GPC5: variants seen among roughly 807,000 people sequenced by gnomAD.
GPC5 encodes the protein glypican 5.
In GPC5, 47 loss-of-function variants were observed where a neutral mutation model predicts 53.9. That is an observed-to-expected ratio of 0.87 (90% CI 0.69 to 1.11). GPC5 has a LOEUF of 1.11. Among genes scored for constraint, GPC5 ranks in the 50% most tolerant of loss-of-function variants. The pLI, the probability that GPC5 is intolerant of heterozygous loss-of-function variation, is 0.00. For synonymous variants in GPC5, 286 were observed against 263.3 expected, an observed-to-expected ratio of 1.09 and a Z score of -0.84; for missense variants, 748 against 713.1, an observed-to-expected ratio of 1.05 and a Z score of -0.56.
Position 91,541,885 on chromosome 13 carries a change from G to GT in GPC5, c.325+92970dup, listed in dbSNP as rs1204631662. ...TTTAATAAGATTCCAGGCTTTTACT[G>GT]TTTTTTTCGTAAATGGTGGAGTCTG... On this transcript the variant is annotated intron_variant, in intron 2 of 7. Transcript: ENST00000377067. Among the ~76,000 whole-genome samples the GT allele has an allele frequency of 7.6e-4, 115 of 151,272 alleles. 1 individual carries two copies. The highest frequency in any genetic ancestry group is 7.2e-3 in the Admixed American group (110 of 15,186).
At chr13:92,416,590 A>G (rs1409493195) in intron 7 of GPC5, among the ~76,000 whole-genome samples, 1 of 152,248 alleles carries the variant, frequency 6.6e-6, no homozygotes, top group Non-Finnish European at 1.5e-5. Context: ...TATCATAAAC[A>G]TAAAGTAGTA....
chr13:91,763,666 T>G (rs773737798), intron 5 of GPC5, among the ~76,000 whole-genome samples: 1 of 152,214 alleles, frequency 6.6e-6, no homozygotes, highest in Non-Finnish European at 1.5e-5. Flanking sequence ...ATTTGCAGGA[T>G]TCTTGGCTGT....
At chr13:92,824,753 A>G (rs1877787783) in intron 7 of GPC5, among the ~76,000 whole-genome samples, 1 of 151,876 alleles carries the variant, frequency 6.6e-6, no homozygotes, top group Non-Finnish European at 1.5e-5. Flanking sequence ...ATCTTACAGC[A>G]TAATATGTAT....
intron 7 of GPC5, among the ~76,000 whole-genome samples, chr13:92,289,357 G>C (rs2042978210): frequency 6.6e-6 from 1 of 151,936 alleles, no homozygotes; most frequent in Non-Finnish European, 1.5e-5. Context: ...CATTAAAAAG[G>C]AGAAAGAGAA....
rs1459731791 is a variant in GPC5, at chr13:91,689,196, T to C, written c.326-3991T>C. On this transcript the variant is annotated intron_variant, in intron 2 of 7. Transcript: ENST00000377067. ...AAAATCATATATAAATATATATATA[T>C]ATATATATATATATATATATATATA... Among the ~76,000 whole-genome samples the C allele has an allele frequency of 1.3e-4, 13 of 99,358 alleles. No individual in the cohort carries two copies. The East Asian group carries it at 3.4e-3, about 26-fold the overall frequency. 65.2% of individuals were successfully genotyped at this position (99,358 alleles called of 152,430 possible). A position where few individuals can be genotyped will look rare whatever the true frequency, so the allele number is the denominator to read the frequency against.
At chr13:92,741,915 C>T (rs1004120762) in intron 7 of GPC5, among the ~76,000 whole-genome samples, 2 of 151,974 alleles carry the variant, frequency 1.3e-5, no homozygotes, top group East Asian at 1.9e-4. Context: ...GGACATGAAC[C>T]CATCCTTTTT....
At chr13:92,758,682 C>T (rs888823823) in intron 7 of GPC5, among the ~76,000 whole-genome samples, 1 of 152,080 alleles carries the variant, frequency 6.6e-6, no homozygotes, top group African/African-American at 2.4e-5. Flanking sequence ...AAAATAATCC[C>T]ATTTCTCTTC....
At chr13:91,442,991 A>C (rs757297300) in intron 1 of GPC5, among the ~76,000 whole-genome samples, 1 of 152,208 alleles carries the variant, frequency 6.6e-6, no homozygotes, top group Non-Finnish European at 1.5e-5. Flanking sequence ...TTCCAAATTA[A>C]TATAATCTTC....
intron 7 of GPC5, among the ~76,000 whole-genome samples, chr13:92,298,140 C>G (rs1487688217): frequency 6.6e-6 from 1 of 152,166 alleles, no homozygotes; most frequent in African/African-American, 2.4e-5. Flanking sequence ...AGCTCCCACA[C>G]AATCCGAAGG....
intron 6 of GPC5, among the ~76,000 whole-genome samples, chr13:91,977,694 A>G (rs190871093): frequency 6.6e-6 from 1 of 152,344 alleles, no homozygotes; most frequent in Non-Finnish European, 1.5e-5. Context: ...CCCCCATAAA[A>G]GTGGTCATAG....
At chr13:91,847,574 T>G (rs1238167479) in intron 5 of GPC5, among the ~76,000 whole-genome samples, 3 of 152,224 alleles carry the variant, frequency 2.0e-5, no homozygotes, top group African/African-American at 7.2e-5. Flanking sequence ...ATCTTTCTAC[T>G]TTGGTTCCAA....
intron 5 of GPC5, among the ~76,000 whole-genome samples, chr13:91,814,324 C>G (rs1381624757): frequency 6.6e-6 from 1 of 152,116 alleles, no homozygotes; most frequent in Non-Finnish European, 1.5e-5. Flanking sequence ...CTGTTGATGT[C>G]TCTCTCTGTA....
At chr13:91,579,786 G>T (rs1404343943) in intron 2 of GPC5, among the ~76,000 whole-genome samples, 1 of 151,248 alleles carries the variant, frequency 6.6e-6, no homozygotes, top group South Asian at 2.1e-4. Flanking sequence ...CTGCCACTAC[G>T]CCCAGCTTTT....
chr13:92,386,777 T>C (rs1186432306), intron 7 of GPC5, among the ~76,000 whole-genome samples: 1 of 152,086 alleles, frequency 6.6e-6, no homozygotes, highest in Non-Finnish European at 1.5e-5. Flanking sequence ...ACTATATATC[T>C]CTCCAGTTAG....
chr13:91,840,984 G>T (rs908564232), intron 5 of GPC5, among the ~76,000 whole-genome samples: 2 of 151,058 alleles, frequency 1.3e-5, no homozygotes, highest in African/African-American at 4.9e-5. Context: ...CAGAAAAAAT[G>T]AAATAATAAT....
At chr13:92,383,002 C>CAAAA (rs57654180) in intron 7 of GPC5, among the ~76,000 whole-genome samples, 2 of 94,794 alleles carry the variant, frequency 2.1e-5, no homozygotes, top group Non-Finnish European at 4.2e-5. Context: ...GACTCCGTCT[C>CAAAA]AAAAAAAAAA....
At chr13:92,856,041 G>A (rs1878986887) in intron 7 of GPC5, among the ~76,000 whole-genome samples, 1 of 151,664 alleles carries the variant, frequency 6.6e-6, no homozygotes, top group African/African-American at 2.4e-5. Context: ...CCAAAACCTG[G>A]CAAAAACACA....
At chr13:92,394,819 A>C (rs889060962) in intron 7 of GPC5, among the ~76,000 whole-genome samples, 1 of 152,194 alleles carries the variant, frequency 6.6e-6, no homozygotes, top group Non-Finnish European at 1.5e-5. Context: ...CCATTTAATA[A>C]ATTTTAAATA....
intron 6 of GPC5, among the ~76,000 whole-genome samples, chr13:91,976,380 T>C (rs1443648024): frequency 6.6e-6 from 1 of 152,212 alleles, no homozygotes; most frequent in Admixed American, 6.5e-5. Context: ...GCTCACTGCA[T>C]AGAAAGCCAA....
Sources: allele counts gnomAD v4.1 joint callset (sites outside exome capture counted in the v4.1 genomes callset), GRCh38; gene constraint gnomAD v4.1.1; transcripts MANE v1.5; gene names NCBI Gene and HGNC (gene_info 2026-07-23, HGNC 2026-07-21).